The following LINGO2 variants were observed in gnomAD, a reference collection of about 807,000 sequenced individuals.
LINGO2 encodes leucine-rich repeat and immunoglobulin-like domain-containing nogo receptor-interacting protein 2.
In LINGO2, 14 loss-of-function variants were observed where a neutral mutation model predicts 30.6. The observed-to-expected ratio is 0.46, with a 90% CI of 0.30 to 0.72. LINGO2 has a LOEUF of 0.72. LINGO2 is among the 30% of genes least tolerant of loss of function. The pLI, the probability that LINGO2 is intolerant of heterozygous loss-of-function variation, is 0.07. For synonymous variants in LINGO2, 317 were observed against 288.5 expected (o/e 1.10, Z -1.00); for missense variants, 729 against 751.7 (o/e 0.97, Z 0.35).
intron 1 of LINGO2, among the ~76,000 whole-genome samples, chr9:28,644,167 T>C (rs1028961092): frequency 1.3e-5 from 2 of 151,852 alleles, no homozygotes; most frequent in Admixed American, 1.3e-4. Context: ...AACCATATGA[T>C]ACAGCAATTC....
At chr9:28,756,116 A>T in the LINGO2 span, among the ~76,000 whole-genome samples, 1 of 152,186 alleles carries the variant, frequency 6.6e-6, no homozygotes. Flanking sequence ...ATTAGAATAT[A>T]AAAAACTACT....
chr9:28,176,784 A>T (rs1828762759), intron 4 of LINGO2, among the ~76,000 whole-genome samples: 1 of 152,202 alleles, frequency 6.6e-6, no homozygotes. Flanking sequence ...AATTGCCCTC[A>T]GCTCTTTTTG....
At chr9:28,462,964 C>A (rs1243038954) in intron 2 of LINGO2, among the ~76,000 whole-genome samples, 1 of 152,054 alleles carries the variant, frequency 6.6e-6, no homozygotes, top group African/African-American at 2.4e-5. Context: ...TGTATGTCTG[C>A]AAATCGTGGG....
chr9:28,330,527 A>G (rs58548349), intron 3 of LINGO2, among the ~76,000 whole-genome samples: 10,581 of 152,248 alleles, frequency 0.069, 427 homozygotes, highest in East Asian at 0.18. Context: ...CCATATCCCT[A>G]GACCCTAAGG....
intron 5 of LINGO2, among the ~76,000 whole-genome samples, chr9:27,954,659 A>C (rs7863813): frequency 6.6e-6 from 1 of 151,974 alleles, no homozygotes; most frequent in Non-Finnish European, 1.5e-5. Context: ...AAACATGGGC[A>C]TACAGATATA....
At chr9:27,949,471 G>T (rs780213616) in exon 6 of LINGO2, 12 of 1,613,988 alleles carry the variant, frequency 7.4e-6, no homozygotes, top group Non-Finnish European at 1.0e-5. Flanking sequence ...TAAAAAGAAA[G>T]GGCAGTGCTA....
chr9:28,185,860 C>A (rs1819522716), intron 4 of LINGO2, among the ~76,000 whole-genome samples: 1 of 152,090 alleles, frequency 6.6e-6, no homozygotes, highest in African/African-American at 2.4e-5. Flanking sequence ...TATAGTCTGA[C>A]AAATGACTTA....
At chr9:28,789,107 G>C in the LINGO2 span, among the ~76,000 whole-genome samples, 20 of 152,028 alleles carry the variant, frequency 1.3e-4, no homozygotes, top group African/African-American at 4.6e-4. Context: ...GATAAACTTA[G>C]AATATATATA....
chr9:28,649,731 G>C (rs1314229749), intron 1 of LINGO2, among the ~76,000 whole-genome samples: 2 of 152,120 alleles, frequency 1.3e-5, no homozygotes, highest in South Asian at 2.1e-4. Flanking sequence ...ACTAATCACT[G>C]GGTTGGGAAT....
chr9:28,307,686 G>A (rs1272076699), intron 3 of LINGO2, among the ~76,000 whole-genome samples: 2 of 152,098 alleles, frequency 1.3e-5, no homozygotes, highest in East Asian at 1.9e-4. Context: ...AAACCCCATT[G>A]TCTCAGCCCA....
At chr9:28,541,865 A>T (rs1821713771) in intron 1 of LINGO2, among the ~76,000 whole-genome samples, 1 of 152,128 alleles carries the variant, frequency 6.6e-6, no homozygotes, top group African/African-American at 2.4e-5. Context: ...TGTATTCTGA[A>T]GTAAGATATA....
chr9:29,161,189 G>A, the LINGO2 span, among the ~76,000 whole-genome samples: 8 of 152,232 alleles, frequency 5.3e-5, no homozygotes, highest in South Asian at 1.5e-3. Context: ...GCAGGCTGCC[G>A]AGAGGAGGCG....
chr9:27,993,388 C>T (rs10123095), intron 5 of LINGO2, among the ~76,000 whole-genome samples: 4,367 of 151,946 alleles, frequency 0.029, 222 homozygotes, highest in African/African-American at 0.1. Context: ...CAATAAAAGC[C>T]CAGGCTGGGC....
At chr9:28,572,813 A>G (rs956930496) in intron 1 of LINGO2, among the ~76,000 whole-genome samples, 1 of 152,150 alleles carries the variant, frequency 6.6e-6, no homozygotes, top group African/African-American at 2.4e-5. Context: ...TAACCTCTGC[A>G]AGCTAAATAT....
intron 1 of LINGO2, among the ~76,000 whole-genome samples, chr9:28,665,991 A>G (rs1319601199): frequency 2.0e-5 from 3 of 150,922 alleles, no homozygotes; most frequent in African/African-American, 7.3e-5. Context: ...CTCTGGGTTC[A>G]AGCGATTCTC....
At chr9:29,040,376 TGAGA>T in the LINGO2 span, among the ~76,000 whole-genome samples, 2 of 152,032 alleles carry the variant, frequency 1.3e-5, no homozygotes, top group South Asian at 2.1e-4. Context: ...AACAGCTAAC[TGAGA>T]GAATTTTTAT....
At chr9:28,782,347 C>T in the LINGO2 span, among the ~76,000 whole-genome samples, 1 of 152,140 alleles carries the variant, frequency 6.6e-6, no homozygotes, top group Non-Finnish European at 1.5e-5. Context: ...CAGTGCCTTC[C>T]TCCCTTCATT....
intron 1 of LINGO2, among the ~76,000 whole-genome samples, chr9:28,574,273 T>C (rs1014944569): frequency 6.6e-6 from 1 of 152,210 alleles, no homozygotes; most frequent in Admixed American, 6.5e-5. Flanking sequence ...TTTGCAATAA[T>C]TGAATTCCAG....
intron 1 of LINGO2, among the ~76,000 whole-genome samples, chr9:28,598,194 A>G (rs1202892907): frequency 6.6e-6 from 1 of 152,152 alleles, no homozygotes; most frequent in Non-Finnish European, 1.5e-5. Flanking sequence ...AACTTATCTA[A>G]AAGAAGGCTA....
Sources: allele counts gnomAD v4.1 joint callset (sites outside exome capture counted in the v4.1 genomes callset), GRCh38; gene constraint gnomAD v4.1.1; transcripts MANE v1.5; gene names NCBI Gene and HGNC (gene_info 2026-07-23, HGNC 2026-07-21).